Variants in ENPP6 observed in about 807,000 individuals in gnomAD.
ENPP6 encodes ectonucleotide pyrophosphatase/phosphodiesterase 6.
Under a neutral mutation model 42.0 loss-of-function variants are expected in ENPP6, and 32 were observed. That is an observed-to-expected ratio of 0.76 (90% CI 0.58 to 1.02). The LOEUF is 1.02. ENPP6 is among the 50% of genes least tolerant of loss of function. ENPP6 has a pLI of 0.00. For synonymous variants in ENPP6, 213 were observed against 216.0 expected (o/e 0.99, Z 0.12); for missense variants, 552 against 566.8 (o/e 0.97, Z 0.27).
intron 1 of ENPP6, among the ~76,000 whole-genome samples, chr4:184,162,919 C>T (rs560013802): frequency 2.0e-5 from 3 of 152,182 alleles, no homozygotes; most frequent in East Asian, 3.9e-4. Context: ...ATGGCAGCAG[C>T]GTGCCATTAC....
Position 184,217,647 on chromosome 4 carries a change from A to C in ENPP6, c.173T>G (p.Val58Gly). 6.2e-7 allele frequency: 1 copy of C among 1,614,092 alleles called. No individual in the cohort carries two copies. The highest frequency in any genetic ancestry group is 8.5e-7 in the Non-Finnish European group (1 of 1,180,004). ...GTCTGGAGTCAAGTAATCCACTTTT[A>C]CTCCCCTGCTCACAATCTCTTTGAA... ...PGFKEIVSRG[V>G]KVDYLTPDFP... Residue 58 changes from valine (V) to glycine (G), a missense_variant, in exon 1 of 8, where the codon GTA (valine) becomes GGA (glycine). By Grantham distance (109) the Val-to-Gly change is moderately radical (BLOSUM62 -3). Transcript: ENST00000296741.
intron 1 of ENPP6, among the ~76,000 whole-genome samples, chr4:184,157,422 T>TC (rs369699689): frequency 3.9e-5 from 6 of 151,930 alleles, no homozygotes; most frequent in Non-Finnish European, 5.9e-5. Flanking sequence ...TCTTTCTTTC[T>TC]TTCTTTCCTT....
intron 6 of ENPP6, among the ~76,000 whole-genome samples, chr4:184,104,680 T>A (rs1736057564): frequency 6.6e-6 from 1 of 152,242 alleles, no homozygotes; most frequent in Non-Finnish European, 1.5e-5. Flanking sequence ...GACTTCGCTT[T>A]CTTCTCTGTT....
At chr4:184,115,261 G>C (rs1007035965) in intron 5 of ENPP6, among the ~76,000 whole-genome samples, 7 of 152,206 alleles carry the variant, frequency 4.6e-5, no homozygotes, top group African/African-American at 1.2e-4. Context: ...GCAGCAGGTC[G>C]CCTGCCCCCA....
intron 6 of ENPP6, among the ~76,000 whole-genome samples, chr4:184,102,277 T>C (rs1736016499): frequency 1.3e-5 from 2 of 152,178 alleles, no homozygotes; most frequent in Admixed American, 1.3e-4. Context: ...CACTCAGAAA[T>C]GCGAGGCTGC....
chr4:184,186,566 G>A (rs866264871), intron 1 of ENPP6, among the ~76,000 whole-genome samples: 1 of 152,204 alleles, frequency 6.6e-6, no homozygotes, highest in South Asian at 2.1e-4. Context: ...AGAAGGTGAG[G>A]TTGAGAGGAA....
At chr4:184,213,324 T>G (rs1299007389) in intron 1 of ENPP6, among the ~76,000 whole-genome samples, 2 of 150,874 alleles carry the variant, frequency 1.3e-5, no homozygotes, top group Non-Finnish European at 3.0e-5. Context: ...GGGAGAAAAT[T>G]TTCGCAACCT....
rs184055936 is a variant in ENPP6 at position 184,180,206 on chromosome 4, A to C, written c.242-26473T>G. Among the ~76,000 whole-genome samples the C allele has an allele frequency of 3.9e-5, 6 of 152,180 alleles. No homozygotes were observed. The East Asian group carries it at 1.2e-3, about 29-fold the overall frequency. ...GGGATATCACTACAGAAATACATAC[A>C]ACCATCAGAGAATACTATAAATACC... On this transcript the variant is annotated intron_variant, in intron 1 of 7. Transcript: ENST00000296741.
intron 2 of ENPP6, among the ~76,000 whole-genome samples, chr4:184,131,140 A>ACTTACTTACTTTCTTT (rs1491154845): frequency 8.2e-6 from 1 of 121,630 alleles, no homozygotes; most frequent in Non-Finnish European, 1.7e-5. Flanking sequence ...ACCAGCACTT[A>ACTTACTTACTTTCTTT]CTTTCTTTCT....
At chr4:184,098,781 C>T (rs1735951846) in intron 6 of ENPP6, among the ~76,000 whole-genome samples, 1 of 152,216 alleles carries the variant, frequency 6.6e-6, no homozygotes. Flanking sequence ...CCTAGCCATG[C>T]ACCTCAGAAG....
At chr4:184,189,777 G>A (rs999131027) in intron 1 of ENPP6, among the ~76,000 whole-genome samples, 13 of 152,164 alleles carry the variant, frequency 8.5e-5, no homozygotes, top group African/African-American at 2.9e-4. Context: ...ACCACAGCCC[G>A]GAGTAGAACC....
At chr4:184,159,797 C>A (rs1737232618) in intron 1 of ENPP6, among the ~76,000 whole-genome samples, 1 of 152,152 alleles carries the variant, frequency 6.6e-6, no homozygotes, top group East Asian at 1.9e-4. Context: ...TTATCCCTCA[C>A]CCCCATCCCA....
At chr4:184,170,854 C>A (rs1737449799) in intron 1 of ENPP6, among the ~76,000 whole-genome samples, 1 of 152,140 alleles carries the variant, frequency 6.6e-6, no homozygotes, top group Non-Finnish European at 1.5e-5. Flanking sequence ...TTCCTATCAA[C>A]CTGCATGTAA....
intron 1 of ENPP6, among the ~76,000 whole-genome samples, chr4:184,156,369 G>A (rs557427973): frequency 6.6e-6 from 1 of 152,298 alleles, no homozygotes; most frequent in South Asian, 2.1e-4. Flanking sequence ...TGCCTCTCTT[G>A]CTCTTTCATT....
intron 3 of ENPP6, among the ~76,000 whole-genome samples, chr4:184,120,248 G>C (rs1426622792): frequency 2.6e-5 from 4 of 152,134 alleles, no homozygotes; most frequent in Non-Finnish European, 5.9e-5. Flanking sequence ...CCAGGACAGG[G>C]GAGCTGGCTT....
chr4:184,217,853 A>G lies in ENPP6; in HGVS notation c.-34T>C. On this transcript the variant is annotated 5_prime_UTR_variant, in exon 1 of 8. Transcript: ENST00000296741. ...GAGCCTGCCAGAGCCCGGCTGGCAC[A>G]GCTGTCGCCTTGCAAAGACTGAGGA... is the stretch of plus-strand genomic sequence containing the variant. The G allele has an allele frequency of 6.2e-7, 1 of 1,604,864 alleles. No individual in the cohort carries two copies. Among genetic ancestry groups the G allele is most frequent in the Non-Finnish European group, 8.5e-7 (1 of 1,176,132 alleles).
At chr4:184,135,048 A>G (rs1736710211) in intron 2 of ENPP6, among the ~76,000 whole-genome samples, 1 of 151,980 alleles carries the variant, frequency 6.6e-6, no homozygotes, top group Non-Finnish European at 1.5e-5. Context: ...TAATTACATG[A>G]CAGTCAGAGG....
At chr4:184,115,357 CG>C (rs1421531212) in intron 5 of ENPP6, among the ~76,000 whole-genome samples, 14 of 152,182 alleles carry the variant, frequency 9.2e-5, no homozygotes, top group Admixed American at 8.5e-4. Flanking sequence ...ACTAGGAACT[CG>C]GGGGACAAGC....
At position 184,090,794 on chromosome 4, in the gene ENPP6, A is replaced by AG. The variant is rs1735775524; in HGVS notation, c.*382dup. The AG allele has an allele frequency of 2.6e-6, 1 of 381,676 alleles. No individual in the cohort carries two copies. Among genetic ancestry groups the AG allele is most frequent in the South Asian group, 1.1e-4 (1 of 9,046 alleles). 23.6% of individuals were successfully genotyped at this position (381,676 alleles called of 1,614,324 possible). A position where few individuals can be genotyped will look rare whatever the true frequency, so the allele number is the denominator to read the frequency against. ...AGGGCACAGACAAGGGCCTGGTCTG[A>AG]GGGGGTCCTTTGTGCAAGGTGGGAC... On this transcript the variant is annotated 3_prime_UTR_variant, in exon 8 of 8. Transcript: ENST00000296741.
Sources: gnomAD v4.1 joint callset for allele counts (sites outside exome capture counted in the v4.1 genomes callset) on GRCh38, gnomAD v4.1.1 for gene constraint, MANE v1.5 for transcripts, NCBI Gene and HGNC (gene_info 2026-07-23, HGNC 2026-07-21) for gene names.